Variants in POGZ observed in about 807,000 individuals in gnomAD.
The protein encoded by POGZ is pogo transposable element derived with ZNF domain.
Under a neutral mutation model 134.6 loss-of-function variants are expected in POGZ, and 17 were observed. That is an observed-to-expected ratio of 0.13 (90% CI 0.09 to 0.19). The LOEUF is 0.19. Ranked by LOEUF, POGZ falls within the 10% of genes least tolerant of loss-of-function variation. The pLI, the probability that POGZ is intolerant of heterozygous loss-of-function variation, is 1.00. For synonymous variants in POGZ, 693 were observed against 657.1 expected (o/e 1.05, Z -0.84); for missense variants, 1,306 against 1,769.7 (o/e 0.74, Z 4.70).
chr1:151,459,009 G>A (rs1021409140), intron 1 of POGZ, 143 bp downstream of exon 1: 16 of 138,586 alleles, frequency 1.2e-4, no homozygotes, highest in African/African-American at 3.8e-4. Context: ...GGCGCGCACC[G>A]CCGGCCCCCC....
In POGZ at chr1:151,403,733, A is replaced by G; in HGVS notation, c.*1069T>C. 1.0e-6 allele frequency: 1 copy of G among 985,850 alleles called. No individual in the cohort carries two copies. Among genetic ancestry groups the G allele is most frequent in the Non-Finnish European group, 1.2e-6 (1 of 829,942 alleles). 61.1% of individuals were successfully genotyped at this position (985,850 alleles called of 1,614,324 possible). On this transcript the variant is annotated 3_prime_UTR_variant, in exon 19 of 19. Coordinates refer to ENST00000271715, the MANE Select transcript of POGZ (RefSeq NM_015100.4). Reference sequence around the variant, plus strand: ...AAGCCACAGAGCACGCTGGATTTCAACAAGTGGTCTTGTCTTTTTAAAGTT... The same window carrying G: ...AAGCCACAGAGCACGCTGGATTTCAGCAAGTGGTCTTGTCTTTTTAAAGTT...
rs763480975 is a variant in POGZ, at chr1:151,407,224, T to C, written c.2432+11A>G. ...GAAAAATTAAGATGCTGCCAATAAGTTTTTTCTTACCTCACAGAATTTTTA... is the reference window on the plus strand; with the variant it reads ...GAAAAATTAAGATGCTGCCAATAAGCTTTTTCTTACCTCACAGAATTTTTA... On this transcript the variant is annotated intron_variant, in intron 16 of 18. Transcript: ENST00000271715. 1.1e-5 allele frequency: 18 copies of C among 1,580,042 alleles called. No homozygotes were observed. The highest frequency in any genetic ancestry group is 1.4e-5 in the Non-Finnish European group (16 of 1,160,098).
rs764060942 is a variant in POGZ at position 151,408,621 on chromosome 1, C to T, written c.2062-40G>A. On this transcript the variant is annotated intron_variant, in intron 13 of 18. Coordinates refer to ENST00000271715, the MANE Select transcript of POGZ (RefSeq NM_015100.4). ...AAGTAACAATGAGACATCACCCACA[C>T]TAAATTTCAGAATACTGAAAATCTC... 36 of 1,604,998 alleles carry T rather than the reference C, an allele frequency of 2.2e-5. No homozygotes were observed. In the African/African-American group the frequency reaches 2.7e-4, roughly 12 times the overall value.
In POGZ at chr1:151,445,522, C is replaced by CAA. The variant is rs201269208; in HGVS notation, c.-1-3319_-1-3318dup. Among the ~76,000 whole-genome samples, 104 of 52,738 alleles carry CAA rather than the reference C, an allele frequency of 2.0e-3. 1 individual carries two copies. In the East Asian group the frequency reaches 0.02, roughly 10 times the overall value. 34.6% of individuals were successfully genotyped at this position (52,738 alleles called of 152,430 possible). A position where few individuals can be genotyped will look rare whatever the true frequency, so the allele number is the denominator to read the frequency against. Reference sequence around the variant, plus strand: ...GGGCAACAGAAGCCAGACTCTGTCTCAAAAAAAAAAAAAAAAGAAAAAAAG... The same window carrying CAA: ...GGGCAACAGAAGCCAGACTCTGTCTCAAAAAAAAAAAAAAAAAAGAAAAAAAG... On this transcript the variant is annotated intron_variant, in intron 1 of 18. Coordinates refer to ENST00000271715, the MANE Select transcript of POGZ (RefSeq NM_015100.4).
rs188043509 is a variant in POGZ, at chr1:151,431,525, G to C, written c.284-684C>G. Among the ~76,000 whole-genome samples, 339 of 152,248 alleles carry C rather than the reference G, an allele frequency of 2.2e-3. 1 individual carries two copies. Among genetic ancestry groups the C allele is most frequent in the African/African-American group, 7.8e-3 (322 of 41,546 alleles). ...TCCTAGTGAGTTAAATCTGAGAAAT[G>C]CAAGATTCTTTAAGCAACCACTGGG... On this transcript the variant is annotated intron_variant, in intron 3 of 18. Transcript: ENST00000271715.
In POGZ at chr1:151,404,495, T is replaced by C; in HGVS notation, c.*307A>G. 9.5e-7 allele frequency: 1 copy of C among 1,054,108 alleles called. No individual in the cohort carries two copies. The allele number at this position is 1,054,108 out of a possible 1,614,324, so 65.3% of individuals were successfully genotyped here. A position where few individuals can be genotyped will look rare whatever the true frequency, so the allele number is the denominator to read the frequency against. On this transcript the variant is annotated 3_prime_UTR_variant, in exon 19 of 19. Coordinates refer to ENST00000271715, the MANE Select transcript of POGZ (RefSeq NM_015100.4). Reference sequence around the variant, plus strand: ...AAATAATTTTTTTTCTTTTTCTTAATTTTGTCAGAAAAATACCAAACACAG... The same window carrying C: ...AAATAATTTTTTTTCTTTTTCTTAACTTTGTCAGAAAAATACCAAACACAG...
rs768336029 is a variant in POGZ at position 151,407,053 on chromosome 1, C to A, written c.2433-30G>T. 3.9e-6 allele frequency: 6 copies of A among 1,542,720 alleles called. 1 individual carries two copies. The East Asian group carries it at 1.1e-4, about 29-fold the overall frequency. ...AAAAGAGAATTGAGACTATGTAAGA[C>A]AAACACAGCAGTGACACTTGAGACC... On this transcript the variant is annotated intron_variant, in intron 16 of 18. Coordinates refer to ENST00000271715, the MANE Select transcript of POGZ (RefSeq NM_015100.4).
In POGZ at chr1:151,423,497, T is replaced by C. The variant is rs1413890451; in HGVS notation, c.1578A>G (p.Val526=). ...HVELDQQNGE[V]DGHTICQHCY... ...AGTGCTGGCAGATAGTGTGACCATC[T>C]ACCTCACCGTTCTGCTGATCGAGTT... The change falls in exon 10 of 19, where the codon GTA becomes GTG. Residue 526 remains valine, a synonymous_variant. Coordinates refer to ENST00000271715, the MANE Select transcript of POGZ (RefSeq NM_015100.4). The C allele has an allele frequency of 6.2e-7, 1 of 1,613,598 alleles. No homozygotes were observed. Among genetic ancestry groups the C allele is most frequent in the Non-Finnish European group, 8.5e-7 (1 of 1,179,570 alleles).
intron 7 of POGZ, among the ~76,000 whole-genome samples, chr1:151,425,662 C>A (rs753353752): frequency 3.9e-5 from 6 of 152,166 alleles, no homozygotes; most frequent in Non-Finnish European, 5.9e-5. Flanking sequence ...AAGGTTCAAC[C>A]ATGTTGCAGC....
At chr1:151,410,295 C>T (rs1215306288) in intron 12 of POGZ, among the ~76,000 whole-genome samples, 4 of 152,206 alleles carry the variant, frequency 2.6e-5, no homozygotes, top group African/African-American at 7.2e-5. Context: ...TTAAATACAT[C>T]GTCTTCATTT....
At chr1:151,413,197 G>A (rs1334667009) in intron 10 of POGZ, among the ~76,000 whole-genome samples, 3 of 149,682 alleles carry the variant, frequency 2.0e-5, no homozygotes, top group Non-Finnish European at 3.0e-5. Context: ...GAGTAGCTAG[G>A]ACTATCCTTT....
chr1:151,444,322 T>C (rs1273962478), intron 1 of POGZ, among the ~76,000 whole-genome samples: 1 of 152,228 alleles, frequency 6.6e-6, no homozygotes, highest in Non-Finnish European at 1.5e-5. Context: ...CAAATCCATA[T>C]CACAGGTATT....
At position 151,405,216 on chromosome 1, in the gene POGZ, C is replaced by G. The variant is rs772669972; in HGVS notation, c.3819G>C (p.Lys1273Asn). The change falls in exon 19 of 19, where the codon AAG (lysine) becomes AAC (asparagine). Residue 1273 changes from lysine (K) to asparagine (N), a missense_variant. Physicochemically the swap from Lys to Asn is moderately conservative, Grantham distance 94. Coordinates refer to ENST00000271715, the MANE Select transcript of POGZ (RefSeq NM_015100.4). This position sits in a 1 kb window ranked among gnomAD's most constrained non-coding sequence, Gnocchi z 4.9. ...CCTTCCATTTTTTATGCAGGAAGTT[C>G]TTGACAGTTCTTTTGATGCATACAT... Reference protein sequence around the residue: ...PLDVCIKRTVKNFLHKKWKEQ... With the variant: ...PLDVCIKRTVNNFLHKKWKEQ... The G allele has an allele frequency of 6.2e-7, 1 of 1,614,092 alleles. No individual in the cohort carries two copies.
chr1:151,424,848 C>T (rs1301893198), intron 8 of POGZ, 107 bp downstream of exon 8: 2 of 650,830 alleles, frequency 3.1e-6, no homozygotes, highest in Admixed American at 2.4e-5. Flanking sequence ...AACAGTAACC[C>T]TTTAAAAAGC....
chr1:151,429,777 G>T, intron 4 of POGZ, 66 bp from the exon 5 acceptor site: 2 of 842,572 alleles, frequency 2.4e-6, no homozygotes, highest in South Asian at 3.0e-5. Flanking sequence ...ATTGCAGTAT[G>T]ACCTACATCC....
chr1:151,404,501 C>G lies in POGZ; in HGVS notation c.*301G>C. ...TTTTTTTTCTTTTTCTTAATTTTGT[C>G]AGAAAAATACCAAACACAGTGATTT... On this transcript the variant is annotated 3_prime_UTR_variant, in exon 19 of 19. Transcript: ENST00000271715. 1 of 1,056,312 alleles carries G rather than the reference C, an allele frequency of 9.5e-7. No individual in the cohort carries two copies. The allele number at this position is 1,056,312 out of a possible 1,614,324, so 65.4% of individuals were successfully genotyped here.
intron 10 of POGZ, among the ~76,000 whole-genome samples, chr1:151,421,611 G>A (rs987888209): frequency 3.9e-5 from 6 of 152,198 alleles, no homozygotes; most frequent in African/African-American, 1.4e-4. Flanking sequence ...TTTTTTATCT[G>A]GACATAGTGC....
chr1:151,404,932 G>A lies in POGZ; in HGVS notation c.4103C>T (p.Thr1368Ile), dbSNP rs138705914. ...TTCAGGAGATGATCTGGGTCGTGGA[G>A]TGGAAGACTCAGAATGTTCCCCACT... The part of the protein sequence containing the change: ...KLSGEHSESS[T>I]PRPRSSPEET... Residue 1368 changes from threonine (T) to isoleucine (I), a missense_variant, in exon 19 of 19, where the codon ACT becomes ATT. Coordinates refer to ENST00000271715, the MANE Select transcript of POGZ (RefSeq NM_015100.4). 3 of 1,614,102 alleles carry A rather than the reference G, an allele frequency of 1.9e-6. No individual in the cohort carries two copies. Among genetic ancestry groups the A allele is most frequent in the African/African-American group, 2.7e-5 (2 of 74,920 alleles).
intron 2 of POGZ, 111 bp downstream of exon 2, chr1:151,441,970 A>G: frequency 1.4e-6 from 1 of 731,592 alleles, no homozygotes; most frequent in Non-Finnish European, 2.2e-6. Flanking sequence ...GAGTGCCACA[A>G]CGAGGTCTCC....
Sources: allele counts gnomAD v4.1 joint callset (sites outside exome capture counted in the v4.1 genomes callset), GRCh38; gene constraint gnomAD v4.1.1; non-coding constraint Gnocchi (gnomAD v3.1); transcripts MANE v1.5; gene names NCBI Gene and HGNC (gene_info 2026-07-23, HGNC 2026-07-21).